Variants in PCNX1 observed in about 807,000 individuals in gnomAD.
The protein encoded by PCNX1 is pecanex 1, also known as pecanex-like protein 1.
Under a neutral mutation model 242.2 loss-of-function variants are expected in PCNX1, and 78 were observed. The observed-to-expected ratio is 0.32, with a 90% CI of 0.27 to 0.39. PCNX1 has a LOEUF of 0.39. PCNX1 is among the 10% of genes least tolerant of loss of function. The pLI, the probability that PCNX1 is intolerant of heterozygous loss-of-function variation, is 1.00. For synonymous variants in PCNX1, 1,024 were observed against 1,032.9 expected (o/e 0.99, Z 0.17); for missense variants, 2,581 against 2,856.5 (o/e 0.90, Z 2.20).
intron 8 of PCNX1, among the ~76,000 whole-genome samples, chr14:71,005,274 A>G (rs371432327): frequency 6.6e-6 from 1 of 152,152 alleles, no homozygotes; most frequent in Non-Finnish European, 1.5e-5. Context: ...AGGCTGAGGC[A>G]GGAGGTATCA....
rs60367565 is a variant in PCNX1, at chr14:71,098,553, T to TGTGTGTGTGTGAGA, written c.5590-3436_5590-3435insTGTGTGTGTGAGAG. Among the ~76,000 whole-genome samples, 80 of 125,724 alleles carry TGTGTGTGTGTGAGA rather than the reference T, an allele frequency of 6.4e-4. 1 individual carries two copies. The highest frequency in any genetic ancestry group is 1.0e-3 in the Non-Finnish European group (61 of 60,598). The allele number at this position is 125,724 out of a possible 152,430, so 82.5% of individuals were successfully genotyped here. A position where few individuals can be genotyped will look rare whatever the true frequency, so the allele number is the denominator to read the frequency against. ...GTGTGTGTGTGTGTGTGTGTGTGTGTGAGAGAGAGAGAGAGAACATTGTAG... is the reference window on the plus strand; with the variant it reads ...GTGTGTGTGTGTGTGTGTGTGTGTGTGTGTGTGTGTGAGAGAGAGAGAGAGAGAGAACATTGTAG... On this transcript the variant is annotated intron_variant, in intron 30 of 35. Transcript: ENST00000304743.
At chr14:71,002,065 C>CT (rs1463346664) in intron 8 of PCNX1, among the ~76,000 whole-genome samples, 1 of 152,142 alleles carries the variant, frequency 6.6e-6, no homozygotes, top group Non-Finnish European at 1.5e-5. Context: ...AAAAATGTCT[C>CT]TAACTAGGTG....
At chr14:70,921,567 A>G (rs369309990) in intron 1 of PCNX1, among the ~76,000 whole-genome samples, 1 of 152,138 alleles carries the variant, frequency 6.6e-6, no homozygotes, top group Non-Finnish European at 1.5e-5. Flanking sequence ...CAAAAATCTT[A>G]CTTTACTCCC....
At chr14:71,046,776 A>G (rs1033599701) in intron 20 of PCNX1, among the ~76,000 whole-genome samples, 188 bp from the exon 21 acceptor site, 3 of 152,130 alleles carry the variant, frequency 2.0e-5, no homozygotes. Flanking sequence ...ATGTTAAATC[A>G]TGTCTAAGTT....
At chr14:70,968,599 C>CA (rs1306807471) in intron 4 of PCNX1, among the ~76,000 whole-genome samples, 1 of 151,948 alleles carries the variant, frequency 6.6e-6, no homozygotes, top group Non-Finnish European at 1.5e-5. Context: ...AATGAAAGAA[C>CA]AAAAAAGAGC....
At chr14:71,074,947 T>C (rs2061675243) in intron 27 of PCNX1, among the ~76,000 whole-genome samples, 1 of 151,576 alleles carries the variant, frequency 6.6e-6, no homozygotes. Flanking sequence ...TAAGCTTTAA[T>C]AACCAACATC....
At chr14:70,952,494 C>T (rs781147353) in intron 2 of PCNX1, among the ~76,000 whole-genome samples, 3 of 152,072 alleles carry the variant, frequency 2.0e-5, no homozygotes, top group South Asian at 2.1e-4. Flanking sequence ...ACACACTCTT[C>T]GTAGATATTC....
Position 70,978,059 on chromosome 14 carries a change from A to C in PCNX1, c.1722A>C (p.Ser574=). ...AAAAACGGGCTAGCAGTTTTGATTC[A>C]AGCCGGCATAGGGACTATGTTTGCT... The part of the protein sequence containing the change: ...TGKKRASSFD[S]SRHRDYVCFR... The change falls in exon 6 of 36, where the codon TCA becomes TCC. Residue 574 remains serine (S), a synonymous_variant. Coordinates refer to ENST00000304743, the MANE Select transcript of PCNX1 (RefSeq NM_014982.3). The C allele has an allele frequency of 6.2e-7, 1 of 1,614,130 alleles. No individual in the cohort carries two copies. Among genetic ancestry groups the C allele is most frequent in the South Asian group, 1.1e-5 (1 of 91,080 alleles).
chr14:71,074,665 G>T (rs2061667296), intron 27 of PCNX1, among the ~76,000 whole-genome samples: 1 of 152,138 alleles, frequency 6.6e-6, no homozygotes, highest in African/African-American at 2.4e-5. Flanking sequence ...CACATGGCCA[G>T]CGTAAGTCTC....
At position 71,111,464 on chromosome 14, in the gene PCNX1, A is replaced by G. The variant is rs913943965; in HGVS notation, c.*1529A>G. 1.3e-5 allele frequency: 2 copies of G among 152,504 alleles called. No individual in the cohort carries two copies. The highest frequency in any genetic ancestry group is 2.9e-5 in the Non-Finnish European group (2 of 68,004). The allele number at this position is 152,504 out of a possible 1,614,324, so 9.4% of individuals were successfully genotyped here. ...CACCCAGTATAGTCAAAGTATTACT[A>G]TTTCATCATATGTCACTAGCCATAT... On this transcript the variant is annotated 3_prime_UTR_variant, in exon 36 of 36. Coordinates refer to ENST00000304743, the MANE Select transcript of PCNX1 (RefSeq NM_014982.3).
At chr14:70,924,172 T>C (rs1401591984) in intron 1 of PCNX1, among the ~76,000 whole-genome samples, 2 of 142,198 alleles carry the variant, frequency 1.4e-5, no homozygotes, top group African/African-American at 5.3e-5. Flanking sequence ...GTCAAGACTA[T>C]AGTGAGCCGA....
rs550626219 is a variant in PCNX1, at chr14:71,045,139, C to G, written c.3874C>G (p.Leu1292Val). ...CTTCTATTATTTTTTTTAGCCTGCC[C>G]TCAAGTATGTGTTGTATACATTGGT... ...STVFTVLQPA[L>V]KYVLYTLVGF... is the part of the protein sequence containing the mutation. Residue 1292 changes from leucine (L) to valine (V), a missense_variant, in exon 20 of 36, where the codon CTC becomes GTC. Physicochemically the swap from Leu to Val is conservative, Grantham distance 32. This residue lies in a region of PCNX1 where 432 missense variants were observed against 443.1 expected (regional missense o/e 0.97). Coordinates refer to ENST00000304743, the MANE Select transcript of PCNX1 (RefSeq NM_014982.3). The G allele has an allele frequency of 6.3e-7, 1 of 1,585,330 alleles. No individual in the cohort carries two copies. The highest frequency in any genetic ancestry group is 8.5e-7 in the Non-Finnish European group (1 of 1,170,078).
At chr14:70,945,180 C>G (rs1002448736) in intron 1 of PCNX1, among the ~76,000 whole-genome samples, 3 of 152,070 alleles carry the variant, frequency 2.0e-5, no homozygotes, top group Admixed American at 2.0e-4. Context: ...ACCAGTCAAG[C>G]TAATAGTGAA....
Position 71,057,590 on chromosome 14 carries a change from T to C in PCNX1, c.4718T>C (p.Leu1573Pro), listed in dbSNP as rs904088922. The C allele has an allele frequency of 6.2e-7, 1 of 1,613,752 alleles. No homozygotes were observed. Among genetic ancestry groups the C allele is most frequent in the Non-Finnish European group, 8.5e-7 (1 of 1,179,732 alleles). The change falls in exon 26 of 36, where the codon CTA becomes CCA. Residue 1573 changes from leucine to proline, a missense_variant. Transcript: ENST00000304743. ...CAGCACAGCCTCTGTGGTGATTTGC[T>C]ACTAGGACGGTGGGGAAACTACAGT... ...SLQHSLCGDLLLGRWGNYSTG... is the reference protein window; with the variant it reads ...SLQHSLCGDLPLGRWGNYSTG...
intron 11 of PCNX1, 142 bp from the exon 12 acceptor site, chr14:71,018,867 C>T: frequency 1.6e-6 from 1 of 620,116 alleles, no homozygotes; most frequent in South Asian, 2.7e-5. Flanking sequence ...TCAGTATGAT[C>T]TAAAACCTTG....
intron 8 of PCNX1, among the ~76,000 whole-genome samples, chr14:71,007,988 A>G (rs2059713653): frequency 6.6e-6 from 1 of 152,156 alleles, no homozygotes; most frequent in African/African-American, 2.4e-5. Context: ...AATAATTTAC[A>G]TGCTGAATAA....
rs533046670 is a variant in PCNX1, at chr14:71,065,968, T to C, written c.4853-7577T>C. 3.7e-3 allele frequency among the ~76,000 whole-genome samples: 136 copies of C among 36,820 alleles called. 1 individual carries two copies. The highest frequency in any genetic ancestry group is 5.4e-3 in the Non-Finnish European group (110 of 20,494). The allele number at this position is 36,820 out of a possible 152,430, so 24.2% of individuals were successfully genotyped here. A position where few individuals can be genotyped will look rare whatever the true frequency, so the allele number is the denominator to read the frequency against. ...TGAGGCCTCTGTTCTGTTCCATTGA[T>C]CTATATATCTGTTTTGTACAAGTAC... is the stretch of plus-strand genomic sequence containing the variant. On this transcript the variant is annotated intron_variant, in intron 26 of 35. Transcript: ENST00000304743.
intron 1 of PCNX1, among the ~76,000 whole-genome samples, chr14:70,912,508 A>G (rs1020229103): frequency 6.6e-6 from 1 of 151,900 alleles, no homozygotes; most frequent in Non-Finnish European, 1.5e-5. Flanking sequence ...GGCATCCCAA[A>G]AGTATCATGC....
chr14:71,003,080 C>CCTTTTTTTTTTTTTTTTTTTTTTTT (rs2059552444), intron 8 of PCNX1, among the ~76,000 whole-genome samples: 1 of 95,474 alleles, frequency 1.0e-5, no homozygotes, highest in African/African-American at 4.7e-5. Context: ...TGGTTGTCTT[C>CCTTTTTTTTTTTTTTTTTTTTTTTT]TTTTTTTTTT....
Sources: gnomAD v4.1 joint callset for allele counts (sites outside exome capture counted in the v4.1 genomes callset) on GRCh38, gnomAD v4.1.1 for gene constraint, gnomAD v4.1.1 regional missense constraint, MANE v1.5 for transcripts, NCBI Gene and HGNC (gene_info 2026-07-23, HGNC 2026-07-21) for gene names.